The following KIF13B variants were observed in gnomAD, a reference collection of about 807,000 sequenced individuals.
KIF13B encodes the protein kinesin-like protein KIF13B.
Under a neutral mutation model 222.0 loss-of-function variants are expected in KIF13B, and 127 were observed. The observed-to-expected ratio is 0.57, with a 90% CI of 0.50 to 0.66. The LOEUF is 0.66. Ranked by LOEUF, KIF13B falls within the 30% of genes least tolerant of loss-of-function variation. The pLI is 0.00. For missense variants in KIF13B, 2,173 were observed against 2,379.0 expected (o/e 0.91, Z 1.80); for synonymous variants, 976 against 919.0 (o/e 1.06, Z -1.12).
rs542380931 is a variant in KIF13B, at chr8:29,130,528, G to A, written c.3075+5C>T. The A allele has an allele frequency of 2.9e-5, 47 of 1,613,518 alleles. No individual in the cohort carries two copies. The East Asian group carries it at 1.0e-3, about 34-fold the overall frequency. On this transcript the variant is annotated splice_donor_5th_base_variant and intron_variant, in intron 24 of 39. Coordinates refer to ENST00000524189, the MANE Select transcript of KIF13B (RefSeq NM_015254.4). ...ATCTAATGTAAACATTCACAATCTT[G>A]TTACCTGCCGGAGCTGGAAGATTCC...
At chr8:29,073,518 T>C (rs188772801) in intron 38 of KIF13B, among the ~76,000 whole-genome samples, 25 of 152,294 alleles carry the variant, frequency 1.6e-4, no homozygotes, top group African/African-American at 5.8e-4. Context: ...CTATTCACAG[T>C]GACCGAAGAA....
chr8:29,240,972 G>A (rs1488423440), intron 2 of KIF13B, among the ~76,000 whole-genome samples: 1 of 152,156 alleles, frequency 6.6e-6, no homozygotes, highest in Non-Finnish European at 1.5e-5. Flanking sequence ...ATGAATCTAA[G>A]AGAAATGAAA....
In KIF13B at chr8:29,120,313, A is replaced by G. The variant is rs571636293; in HGVS notation, c.3536-1321T>C. 1.5e-4 allele frequency among the ~76,000 whole-genome samples: 16 copies of G among 103,504 alleles called. No homozygotes were observed. The East Asian group carries it at 3.7e-3, about 24-fold the overall frequency. The allele number at this position is 103,504 out of a possible 152,430, so 67.9% of individuals were successfully genotyped here. On this transcript the variant is annotated intron_variant, in intron 29 of 39. Transcript: ENST00000524189. ...CATCTAGCATTAGGTATATCTCCCA[A>G]TGCTATCCCTCCCCCCTCCCCCGAC...
At chr8:29,158,672 T>C (rs934502739) in intron 13 of KIF13B, among the ~76,000 whole-genome samples, 1 of 152,214 alleles carries the variant, frequency 6.6e-6, no homozygotes, top group Non-Finnish European at 1.5e-5. Flanking sequence ...AAACTGTTCT[T>C]GGACTGAGAT....
intron 14 of KIF13B, among the ~76,000 whole-genome samples, chr8:29,152,139 A>G (rs1448519669): frequency 6.6e-6 from 1 of 152,210 alleles, no homozygotes; most frequent in Non-Finnish European, 1.5e-5. Context: ...GTGGAGACTG[A>G]AGATGTGGCT....
intron 2 of KIF13B, among the ~76,000 whole-genome samples, chr8:29,204,813 A>G (rs529851567): frequency 1.9e-4 from 29 of 151,890 alleles, no homozygotes; most frequent in African/African-American, 6.7e-4. Flanking sequence ...GACTACAAGC[A>G]AAGAAAGCTT....
chr8:29,095,595 C>T (rs1808485235), intron 36 of KIF13B, among the ~76,000 whole-genome samples: 1 of 152,022 alleles, frequency 6.6e-6, no homozygotes, highest in South Asian at 2.1e-4. Context: ...GGAGAAACCC[C>T]ATCTCTACTA....
chr8:29,258,893 T>C (rs1816582815), intron 1 of KIF13B, among the ~76,000 whole-genome samples: 1 of 152,208 alleles, frequency 6.6e-6, no homozygotes, highest in Admixed American at 6.5e-5. Context: ...AGTCATTTCC[T>C]CACAGGCATG....
At chr8:29,194,545 A>T (rs1488975560) in intron 3 of KIF13B, among the ~76,000 whole-genome samples, 2 of 152,172 alleles carry the variant, frequency 1.3e-5, no homozygotes, top group African/African-American at 2.4e-5. Context: ...GCCTAGCTCT[A>T]TTCCCCAATA....
At position 29,147,438 on chromosome 8, in the gene KIF13B, G is replaced by A. The variant is rs751166000; in HGVS notation, c.1978C>T (p.His660Tyr). 6.2e-7 allele frequency: 1 copy of A among 1,611,598 alleles called. No homozygotes were observed. The highest frequency in any genetic ancestry group is 1.3e-5 in the African/African-American group (1 of 74,888). The part of the protein sequence containing the change: ...NCRSMDRFSF[H>Y]SPSAQQRLRQ... ...AAGCGTTGCTGAGCGCTGGGCGAGT[G>A]GAAAGAAAACCTGTCCATGCTCCGG... The change falls in exon 17 of 40, where the codon CAC becomes TAC. Residue 660 changes from histidine (H) to tyrosine (Y), a missense_variant. His to Tyr is a moderately conservative substitution (Grantham distance 83). This residue lies in a region of KIF13B where 1,480 missense variants were observed against 1,722.8 expected (regional missense o/e 0.86). Coordinates refer to ENST00000524189, the MANE Select transcript of KIF13B (RefSeq NM_015254.4).
intron 37 of KIF13B, among the ~76,000 whole-genome samples, chr8:29,083,549 A>G (rs1323526988): frequency 6.6e-6 from 1 of 152,220 alleles, no homozygotes; most frequent in Non-Finnish European, 1.5e-5. Flanking sequence ...ATCAGCTACT[A>G]AACCTGATTG....
intron 5 of KIF13B, among the ~76,000 whole-genome samples, chr8:29,187,132 G>A (rs1181258004): frequency 6.6e-6 from 1 of 152,152 alleles, no homozygotes; most frequent in Non-Finnish European, 1.5e-5. Context: ...AGTGATCACA[G>A]CACAAAAAAT....
intron 1 of KIF13B, among the ~76,000 whole-genome samples, chr8:29,247,120 C>T (rs1816060302): frequency 6.6e-6 from 1 of 152,148 alleles, no homozygotes. Flanking sequence ...CATGGTGGCT[C>T]ATGCCCGTAA....
chr8:29,126,391 C>A, intron 26 of KIF13B, 91 bp downstream of exon 26: 2 of 846,686 alleles, frequency 2.4e-6, no homozygotes, highest in Non-Finnish European at 3.8e-6. Context: ...ATTGTTTAAT[C>A]CTTAAATAAC....
chr8:29,216,765 T>C (rs1392371540), intron 2 of KIF13B, among the ~76,000 whole-genome samples: 4 of 152,194 alleles, frequency 2.6e-5, no homozygotes, highest in Non-Finnish European at 5.9e-5. Context: ...TTTGGACTGT[T>C]GTTTTTCCCT....
At chr8:29,242,101 C>T (rs1187437545) in intron 2 of KIF13B, among the ~76,000 whole-genome samples, 1 of 152,132 alleles carries the variant, frequency 6.6e-6, no homozygotes, top group African/African-American at 2.4e-5. Flanking sequence ...TACCAATTAA[C>T]TTTTTAGCCA....
At chr8:29,095,978 TG>T (rs72478065) in intron 36 of KIF13B, among the ~76,000 whole-genome samples, 7 of 149,846 alleles carry the variant, frequency 4.7e-5, no homozygotes, top group South Asian at 2.1e-4. Flanking sequence ...TTTTTTTGTT[TG>T]TTTTTTGTTT....
At position 29,160,631 on chromosome 8, in the gene KIF13B, T is replaced by C; in HGVS notation, c.1404+102A>G. ...AACCCAAGATGGTTCTATAACTTTT[T>C]GCTGTTTTCTGAGTAAGCATGGTTC... On this transcript the variant is annotated intron_variant, in intron 13 of 39. Coordinates refer to ENST00000524189, the MANE Select transcript of KIF13B (RefSeq NM_015254.4). The C allele has an allele frequency of 3.9e-6, 4 of 1,029,952 alleles. 1 individual carries two copies. In the South Asian group the frequency reaches 9.3e-5, roughly 24 times the overall value. 63.8% of individuals were successfully genotyped at this position (1,029,952 alleles called of 1,614,324 possible). A position where few individuals can be genotyped will look rare whatever the true frequency, so the allele number is the denominator to read the frequency against.
chr8:29,229,927 T>C (rs1004425281), intron 2 of KIF13B, among the ~76,000 whole-genome samples: 1 of 152,234 alleles, frequency 6.6e-6, no homozygotes, highest in African/African-American at 2.4e-5. Flanking sequence ...GTACCTACCA[T>C]ATATGCCAGT....
Sources: allele counts gnomAD v4.1 joint callset (sites outside exome capture counted in the v4.1 genomes callset), GRCh38; gene constraint gnomAD v4.1.1; regional missense constraint gnomAD v4.1.1; transcripts MANE v1.5; gene names NCBI Gene and HGNC (gene_info 2026-07-23, HGNC 2026-07-21).